Variants in RBFA observed in about 807,000 individuals in gnomAD.
RBFA encodes the protein ribosome binding factor A.
Under a neutral mutation model 27.9 loss-of-function variants are expected in RBFA, and 16 were observed. The observed-to-expected ratio is 0.57, with a 90% CI of 0.39 to 0.87. RBFA has a LOEUF of 0.87. Among genes scored for constraint, RBFA ranks in the 40% least tolerant of loss-of-function variants. The pLI, the probability that RBFA is intolerant of heterozygous loss-of-function variation, is 0.00. For synonymous variants in RBFA, 181 were observed against 181.0 expected, an observed-to-expected ratio of 1.00 and a Z score of 0.00; for missense variants, 456 against 432.1, an observed-to-expected ratio of 1.06 and a Z score of -0.49.
At position 80,048,550 on chromosome 18, in the gene RBFA, A is replaced by T. The variant is rs2145153019; in HGVS notation, c.*2395A>T. Among the ~76,000 whole-genome samples the T allele has an allele frequency of 6.6e-6, 1 of 152,330 alleles. No individual in the cohort carries two copies. The highest frequency in any genetic ancestry group is 3.4e-3 in the Middle Eastern group (1 of 294). ...GGGACTAGTGTCTAGAGCCATGAGG[A>T]CAGAGACCAGAAGGGACAAGAAGGA... On this transcript the variant is annotated 3_prime_UTR_variant, in exon 7 of 7. Transcript: ENST00000306735.
At chr18:80,037,117 C>T (rs2051984569) in intron 2 of RBFA, 1 of 485,064 alleles carries the variant, frequency 2.1e-6, no homozygotes. Flanking sequence ...AAAATATTTA[C>T]TGGCAGTACT....
intron 4 of RBFA, among the ~76,000 whole-genome samples, chr18:80,039,616 A>G (rs1396682026): frequency 6.6e-6 from 1 of 152,222 alleles, no homozygotes; most frequent in Non-Finnish European, 1.5e-5. Context: ...TGAAAATCAG[A>G]ATTTTAGGAA....
At chr18:80,042,669 G>A (rs2052024292) in intron 5 of RBFA, among the ~76,000 whole-genome samples, 2 of 151,992 alleles carry the variant, frequency 1.3e-5, no homozygotes, top group African/African-American at 4.8e-5. Flanking sequence ...TGCTCGGGAG[G>A]CTGAGGCAGA....
Position 80,046,288 on chromosome 18 carries a change from C to T in RBFA, c.*133C>T, listed in dbSNP as rs547776232. 59 of 1,052,372 alleles carry T rather than the reference C, an allele frequency of 5.6e-5. No homozygotes were observed. The highest frequency in any genetic ancestry group is 2.9e-4 in the African/African-American group (18 of 62,088). The allele number at this position is 1,052,372 out of a possible 1,614,324, so 65.2% of individuals were successfully genotyped here. A position where few individuals can be genotyped will look rare whatever the true frequency, so the allele number is the denominator to read the frequency against. On this transcript the variant is annotated 3_prime_UTR_variant, in exon 7 of 7. Coordinates refer to ENST00000306735, the MANE Select transcript of RBFA (RefSeq NM_024805.3). ...CTACTTCAACATTTTCTAGCTTTTCCGTGTATCTAAACACAATTTGCTACA... is the reference window on the plus strand; with the variant it reads ...CTACTTCAACATTTTCTAGCTTTTCTGTGTATCTAAACACAATTTGCTACA...
chr18:80,047,448 C>G lies in RBFA; in HGVS notation c.*1293C>G, dbSNP rs1401761290. 6.6e-6 allele frequency: 1 copy of G among 152,074 alleles called. No individual in the cohort carries two copies. Among genetic ancestry groups the G allele is most frequent in the Non-Finnish European group, 1.5e-5 (1 of 68,064 alleles). 9.4% of individuals were successfully genotyped at this position (152,074 alleles called of 1,614,324 possible). On this transcript the variant is annotated 3_prime_UTR_variant, in exon 7 of 7. Transcript: ENST00000306735. ...GGGGTAAGGACAGTAGGAGATGCTG[C>G]TGCAAGATGCTGACTCCCTTGTTTT...
intron 2 of RBFA, 52 bp from the exon 3 acceptor site, chr18:80,037,278 G>A: frequency 6.5e-7 from 1 of 1,529,634 alleles, no homozygotes; most frequent in East Asian, 2.3e-5. Flanking sequence ...GTGACTTGGT[G>A]AGTTTGGAGT....
Position 80,049,785 on chromosome 18 carries a change from C to A in RBFA, c.*3630C>A, listed in dbSNP as rs2052083896. ...GGTAGACAGGGGAACTTAATCACCC[C>A]TTGTAGGCCCCCAGAAGACTGGACC... On this transcript the variant is annotated 3_prime_UTR_variant, in exon 7 of 7. Coordinates refer to ENST00000306735, the MANE Select transcript of RBFA (RefSeq NM_024805.3). Among the ~76,000 whole-genome samples the A allele has an allele frequency of 6.6e-6, 1 of 152,210 alleles. No individual in the cohort carries two copies. The highest frequency in any genetic ancestry group is 6.5e-5 in the Admixed American group (1 of 15,280).
Position 80,049,904 on chromosome 18 carries a change from T to C in RBFA, c.*3749T>C, listed in dbSNP as rs2052084640. Among the ~76,000 whole-genome samples the C allele has an allele frequency of 6.6e-6, 1 of 152,248 alleles. No homozygotes were observed. The highest frequency in any genetic ancestry group is 2.1e-4 in the South Asian group (1 of 4,832). ...GGCCTGGAGACGGGCCAGAGCCACCTTGGTGGTCTGAGTATGAGGCCAGCA... is the reference window on the plus strand; with the variant it reads ...GGCCTGGAGACGGGCCAGAGCCACCCTGGTGGTCTGAGTATGAGGCCAGCA... On this transcript the variant is annotated 3_prime_UTR_variant, in exon 7 of 7. Transcript: ENST00000306735.
intron 6 of RBFA, among the ~76,000 whole-genome samples, chr18:80,045,054 G>A (rs2052041590): frequency 6.6e-6 from 1 of 152,234 alleles, no homozygotes; most frequent in Admixed American, 6.5e-5. Flanking sequence ...ACTTTCCAAA[G>A]TGGAGCCTTG....
intron 6 of RBFA, 108 bp from the exon 7 acceptor site, chr18:80,045,666 T>C (rs1212390346): frequency 1.5e-6 from 2 of 1,315,808 alleles, no homozygotes; most frequent in African/African-American, 1.5e-5. Context: ...GGGAGGGTTC[T>C]CAGGCGAGTA....
intron 6 of RBFA, among the ~76,000 whole-genome samples, chr18:80,044,510 C>T (rs907987771): frequency 6.6e-6 from 1 of 152,252 alleles, no homozygotes; most frequent in African/African-American, 2.4e-5. Flanking sequence ...GCCATAACTC[C>T]TGCAGTGAGG....
In RBFA at chr18:80,049,419, C is replaced by T. The variant is rs1270618528; in HGVS notation, c.*3264C>T. Among the ~76,000 whole-genome samples, 1 of 152,236 alleles carries T rather than the reference C, an allele frequency of 6.6e-6. No individual in the cohort carries two copies. Among genetic ancestry groups the T allele is most frequent in the Non-Finnish European group, 1.5e-5 (1 of 68,048 alleles). ...ATGATCCACTCCTGGGGATTTTCCG[C>T]AGCTCTCCAGATGACGTGCACGCAC... On this transcript the variant is annotated 3_prime_UTR_variant, in exon 7 of 7. Coordinates refer to ENST00000306735, the MANE Select transcript of RBFA (RefSeq NM_024805.3).
In RBFA at chr18:80,047,786, TTATCTC is replaced by T. The variant is rs1416927759; in HGVS notation, c.*1634_*1639del. Among the ~76,000 whole-genome samples, 7 of 152,170 alleles carry T rather than the reference TTATCTC, an allele frequency of 4.6e-5. No individual in the cohort carries two copies. Among genetic ancestry groups the T allele is most frequent in the African/African-American group, 9.7e-5 (4 of 41,446 alleles). ...CTCTGTTACACCGTGAGCCAAATGT[TTATCTC>T]TAGGGTTTCTGGTAGCCAGTTGCGG... On this transcript the variant is annotated 3_prime_UTR_variant, in exon 7 of 7. Transcript: ENST00000306735.
intron 6 of RBFA, among the ~76,000 whole-genome samples, chr18:80,045,383 C>T (rs144102347): frequency 0.012 from 1,844 of 152,146 alleles, 31 homozygotes; most frequent in Middle Eastern, 0.034. Context: ...AGCGCCACCA[C>T]GCCCAGCTAA....
chr18:80,036,531 A>G (rs778198324), intron 1 of RBFA, 137 bp from the exon 2 acceptor site: 2 of 499,442 alleles, frequency 4.0e-6, no homozygotes, highest in Non-Finnish European at 7.0e-6. Context: ...AAATTCTGAA[A>G]TTTTTTAAGA....
intron 4 of RBFA, among the ~76,000 whole-genome samples, chr18:80,039,191 G>A (rs999152644): frequency 6.6e-6 from 1 of 152,148 alleles, no homozygotes; most frequent in Non-Finnish European, 1.5e-5. Context: ...GGCAGCACAC[G>A]CATATAGTCC....
At chr18:80,044,385 C>A (rs912245533) in intron 6 of RBFA, 100 bp downstream of exon 6, 4 of 1,030,734 alleles carry the variant, frequency 3.9e-6, no homozygotes, top group African/African-American at 3.1e-5. Flanking sequence ...TCCCGAGTAG[C>A]CTGCATGATC....
chr18:80,042,151 C>T lies in RBFA; in HGVS notation c.508C>T (p.Gln170Ter). The T allele has an allele frequency of 6.2e-7, 1 of 1,610,322 alleles. No individual in the cohort carries two copies. The highest frequency in any genetic ancestry group is 8.5e-7 in the Non-Finnish European group (1 of 1,177,642). ...GTCTCCTAGGCACCTTTTGATGTCCCAGCAGACCCTGAGGAATGTGCCACC... is the reference window on the plus strand; with the variant it reads ...GTCTCCTAGGCACCTTTTGATGTCCTAGCAGACCCTGAGGAATGTGCCACC... Reference protein sequence around the residue: ...AAHMRHLLMSQQTLRNVPPIV... With the variant: ...AAHMRHLLMS Residue 170 changes from glutamine (Q) to a stop codon, truncating the protein, a stop_gained, in exon 5 of 7, where the codon CAG becomes TAG. Transcript: ENST00000306735. LOFTEE classifies it high-confidence loss of function.
In RBFA at chr18:80,046,655, C is replaced by T. The variant is rs1395159950; in HGVS notation, c.*500C>T. Among the ~76,000 whole-genome samples, 5 of 152,102 alleles carry T rather than the reference C, an allele frequency of 3.3e-5. No individual in the cohort carries two copies. The highest frequency in any genetic ancestry group is 2.1e-4 in the South Asian group (1 of 4,818). On this transcript the variant is annotated 3_prime_UTR_variant, in exon 7 of 7. Coordinates refer to ENST00000306735, the MANE Select transcript of RBFA (RefSeq NM_024805.3). ...GGGCTGCTGGGTCGGCACGTGGCGC[C>T]GGGGGCTCCGTCCCTGACTGGCCTC...
Sources: allele counts gnomAD v4.1 joint callset (sites outside exome capture counted in the v4.1 genomes callset), GRCh38; gene constraint gnomAD v4.1.1; transcripts MANE v1.5; gene names NCBI Gene and HGNC (gene_info 2026-07-23, HGNC 2026-07-21).